Variants in ZNF112 observed in about 807,000 individuals in gnomAD.
ZNF112 encodes the protein zinc finger protein 112 (Y14).
In ZNF112, 37 loss-of-function variants were observed where a neutral mutation model predicts 77.7. The ratio of observed to expected loss-of-function variants is 0.48; its 90% CI spans 0.37 to 0.63. ZNF112 has a LOEUF of 0.63. ZNF112 is among the 20% of genes least tolerant of loss of function. The pLI is 0.00. For missense variants in ZNF112, 950 were observed against 1,077.4 expected (o/e 0.88, Z 1.66); for synonymous variants, 333 against 363.6 (o/e 0.92, Z 0.96).
At position 44,328,634 on chromosome 19, in the gene ZNF112, T is replaced by C; in HGVS notation, c.1523A>G (p.Asp508Gly). The C allele has an allele frequency of 6.2e-7, 1 of 1,614,134 alleles. No homozygotes were observed. Among genetic ancestry groups the C allele is most frequent in the South Asian group, 1.1e-5 (1 of 91,084 alleles). The change falls in exon 4 of 4, where the codon GAT (aspartate) becomes GGT (glycine). Residue 508 changes from aspartate to glycine, a missense_variant. Around this residue, in one of 3 missense-constraint regions of ZNF112, gnomAD observed 560 missense variants for 557.3 expected, o/e 1.00. Coordinates refer to ENST00000354340, the MANE Select transcript of ZNF112 (RefSeq NM_013380.4). Reference sequence around the variant, plus strand: ...CTGTCCAGTGTGGACTCTCTGATGATCTTTAAGTTTTGAGCTCCAGTTGAA... The same window carrying C: ...CTGTCCAGTGTGGACTCTCTGATGACCTTTAAGTTTTGAGCTCCAGTTGAA... Reference protein sequence around the residue: ...NGFNWSSKLKDHQRVHTGQKP... With the variant: ...NGFNWSSKLKGHQRVHTGQKP...
At chr19:44,362,306 C>T (rs981588577) in intron 1 of ZNF112, among the ~76,000 whole-genome samples, 4 of 151,636 alleles carry the variant, frequency 2.6e-5, no homozygotes, top group Non-Finnish European at 4.4e-5. Flanking sequence ...GGAAGAGACT[C>T]GTAGAGATGC....
In ZNF112 at chr19:44,328,390, G is replaced by A; in HGVS notation, c.1767C>T (p.Tyr589=). ...ECGKGFSRNS[Y]LQGHQRVHTG... is the part of the protein sequence containing the mutation. ...TGTGAACTCTCTGATGGCCTTGAAG[G>A]TATGAATTTCGACTGAACCCCTTCC... The change falls in exon 4 of 4, where the codon TAC becomes TAT. Residue 589 remains tyrosine, a synonymous_variant. Coordinates refer to ENST00000354340, the MANE Select transcript of ZNF112 (RefSeq NM_013380.4). 1 of 1,608,454 alleles carries A rather than the reference G, an allele frequency of 6.2e-7. No individual in the cohort carries two copies.
chr19:44,343,911 G>A (rs533660588), intron 1 of ZNF112, among the ~76,000 whole-genome samples: 1 of 152,286 alleles, frequency 6.6e-6, no homozygotes, highest in Non-Finnish European at 1.5e-5. Flanking sequence ...AGAGATTACT[G>A]CTCTGTCCCG....
intron 3 of ZNF112, among the ~76,000 whole-genome samples, chr19:44,333,110 G>A (rs528570059): frequency 6.6e-6 from 1 of 152,284 alleles, no homozygotes; most frequent in African/African-American, 2.4e-5. Context: ...TAGCAATCCT[G>A]CTTTAGCACT....
At chr19:44,350,391 G>T (rs1296848714) in intron 1 of ZNF112, among the ~76,000 whole-genome samples, 1 of 151,926 alleles carries the variant, frequency 6.6e-6, no homozygotes, top group African/African-American at 2.4e-5. Context: ...GTTTTATTGT[G>T]ATTTTTTTTA....
chr19:44,330,844 T>G (rs562562133), intron 3 of ZNF112, among the ~76,000 whole-genome samples: 2 of 152,354 alleles, frequency 1.3e-5, no homozygotes, highest in South Asian at 4.1e-4. Flanking sequence ...AAAAATATAG[T>G]TGCAAATGGA....
upstream of ZNF112, among the ~76,000 whole-genome samples, chr19:44,359,643 T>C (rs1444020934): frequency 6.6e-6 from 1 of 152,162 alleles, no homozygotes; most frequent in African/African-American, 2.4e-5. Context: ...TTCTGCTCTT[T>C]CAGAAATCTA....
Position 44,329,662 on chromosome 19 carries a change from A to T in ZNF112, c.495T>A (p.Ser165Arg). 1 of 1,614,156 alleles carries T rather than the reference A, an allele frequency of 6.2e-7. No individual in the cohort carries two copies. Among genetic ancestry groups the T allele is most frequent in the Non-Finnish European group, 8.5e-7 (1 of 1,180,022 alleles). The change falls in exon 4 of 4, where the codon AGT (serine) becomes AGA (arginine). Residue 165 changes from serine (S) to arginine (R), a missense_variant. Transcript: ENST00000354340. Reference protein sequence around the residue: ...HIGNGSNYIKSQGYPSWRAHH... With the variant: ...HIGNGSNYIKRQGYPSWRAHH... ...GTGCCCTCCAAGATGGATACCCTTG[A>T]CTTTTTATATAATTGGAGCCATTCC... is the stretch of plus-strand genomic sequence containing the variant.
chr19:44,336,636 T>A lies in ZNF112; in HGVS notation c.207A>T (p.Arg69Ser). Residue 69 changes from arginine to serine, a missense_variant, in exon 3 of 4, where the codon AGA (arginine) becomes AGT (serine). By Grantham distance (110) the Arg-to-Ser change is moderately radical. Coordinates refer to ENST00000354340, the MANE Select transcript of ZNF112 (RefSeq NM_013380.4). ...CACAGTTCTCACCTGAACATCCATC[T>A]CTTGGGGTTTCTGTCTCCACCATCA... ...KLLMVETETP[R>S]DGCSGRKNQQ... is the part of the protein sequence containing the mutation. 6.2e-7 allele frequency: 1 copy of A among 1,613,524 alleles called. No individual in the cohort carries two copies. Among genetic ancestry groups the A allele is most frequent in the South Asian group, 1.1e-5 (1 of 91,072 alleles).
chr19:44,343,456 C>G (rs565259705), intron 1 of ZNF112, among the ~76,000 whole-genome samples: 2 of 152,342 alleles, frequency 1.3e-5, no homozygotes, highest in African/African-American at 4.8e-5. Flanking sequence ...CTAGCTACCA[C>G]TTGGCTCTCC....
At chr19:44,356,576 G>C (rs867969538) in intron 1 of ZNF112, 50 bp downstream of exon 1, 5 of 152,272 alleles carry the variant, frequency 3.3e-5, no homozygotes, top group African/African-American at 1.2e-4. Context: ...CCAACAAAAC[G>C]AACATCAGTA....
At chr19:44,343,526 C>A (rs1480569061) in intron 1 of ZNF112, among the ~76,000 whole-genome samples, 1 of 152,172 alleles carries the variant, frequency 6.6e-6, no homozygotes, top group South Asian at 2.1e-4. Context: ...GCCTCACATG[C>A]CTTACAGCTC....
chr19:44,334,497 A>T (rs1002790011), intron 3 of ZNF112, among the ~76,000 whole-genome samples: 1 of 152,262 alleles, frequency 6.6e-6, no homozygotes, highest in Non-Finnish European at 1.5e-5. Context: ...AATAGCCAAG[A>T]AAATGGGGAA....
Position 44,328,923 on chromosome 19 carries a change from T to C in ZNF112, c.1234A>G (p.Ile412Val), listed in dbSNP as rs79245894. 581 of 1,614,010 alleles carry C rather than the reference T, an allele frequency of 3.6e-4. 4 individuals carry two copies. The African/African-American group carries it at 7.4e-3, about 21-fold the overall frequency. ...CAAATGAAACTCTTTCCATACTCTA[T>C]ATCTGTGTATAGTTTCTCTTCAGTG... ...IHTEEKLYTD[I>V]EYGKSFICSS... The change falls in exon 4 of 4, where the codon ATA becomes GTA. Residue 412 changes from isoleucine (I) to valine (V), a missense_variant. Physicochemically the swap from Ile to Val is conservative, Grantham distance 29. Around this residue, in one of 3 missense-constraint regions of ZNF112, gnomAD observed 560 missense variants for 557.3 expected, o/e 1.00. Transcript: ENST00000354340.
chr19:44,328,714 T>C lies in ZNF112; in HGVS notation c.1443A>G (p.Gln481=), dbSNP rs1346075824. 6.2e-7 allele frequency: 1 copy of C among 1,614,086 alleles called. No homozygotes were observed. The highest frequency in any genetic ancestry group is 1.7e-5 in the Admixed American group (1 of 60,010). The change falls in exon 4 of 4, where the codon CAA becomes CAG. Residue 481 remains glutamine, a synonymous_variant. Transcript: ENST00000354340. ...SNSFSHNLYL[Q]GHPKIHIGEK... is the part of the protein sequence containing the mutation. Reference sequence around the variant, plus strand: ...CTCCAATGTGAATTTTTGGATGACCTTGAAGATATAAATTATGGCTGAAGC... The same window carrying C: ...CTCCAATGTGAATTTTTGGATGACCCTGAAGATATAAATTATGGCTGAAGC...
At position 44,329,729 on chromosome 19, in the gene ZNF112, A is replaced by T; in HGVS notation, c.428T>A (p.Val143Asp). 6.2e-7 allele frequency: 1 copy of T among 1,614,090 alleles called. No homozygotes were observed. The highest frequency in any genetic ancestry group is 8.5e-7 in the Non-Finnish European group (1 of 1,180,006). Residue 143 changes from valine (V) to aspartate (D), a missense_variant, in exon 4 of 4, where the codon GTT becomes GAT. By Grantham distance (152) the Val-to-Asp change is radical (BLOSUM62 -3). Around this residue, in one of 3 missense-constraint regions of ZNF112, gnomAD observed 560 missense variants for 557.3 expected, o/e 1.00. Transcript: ENST00000354340. ...ATAGTTCTTATCTTCAGAAATCTGA[A>T]CTGGTATTCCTGCCCAAACCTGGCC... Reference protein sequence around the residue: ...SLGQVWAGIPVQISEDKNYIF... With the variant: ...SLGQVWAGIPDQISEDKNYIF...
intron 1 of ZNF112, among the ~76,000 whole-genome samples, chr19:44,349,953 C>T (rs905763997): frequency 6.6e-6 from 1 of 151,922 alleles, no homozygotes; most frequent in Non-Finnish European, 1.5e-5. Flanking sequence ...ATTGTGTATT[C>T]AAGGAATCAA....
chr19:44,360,780 C>A (rs1970848083), upstream of ZNF112, among the ~76,000 whole-genome samples: 1 of 152,188 alleles, frequency 6.6e-6, no homozygotes, highest in Non-Finnish European at 1.5e-5. Context: ...ATACCTCCCA[C>A]TATATGCAAC....
chr19:44,357,355 G>A (rs1326326250), upstream of ZNF112, among the ~76,000 whole-genome samples: 3 of 152,174 alleles, frequency 2.0e-5, no homozygotes, highest in African/African-American at 7.2e-5. Flanking sequence ...TTACAGAATG[G>A]AAGCGATGTG....
Sources: allele counts gnomAD v4.1 joint callset (sites outside exome capture counted in the v4.1 genomes callset), GRCh38; gene constraint gnomAD v4.1.1; regional missense constraint gnomAD v4.1.1; transcripts MANE v1.5; gene names NCBI Gene and HGNC (gene_info 2026-07-23, HGNC 2026-07-21).